The following GGPS1 variants were observed in gnomAD, a reference collection of about 807,000 sequenced individuals.
GGPS1 encodes geranylgeranyl diphosphate synthase 1.
In GGPS1, 15 loss-of-function variants were observed where a neutral mutation model predicts 28.1. That is an observed-to-expected ratio of 0.53 (90% CI 0.36 to 0.82). The LOEUF (loss-of-function observed/expected upper bound fraction) is 0.82, where lower values mean the gene tolerates loss of function less well. Among genes scored for constraint, GGPS1 ranks in the 40% least tolerant of loss-of-function variants. The probability of loss-of-function intolerance (pLI) is 0.01; values close to 1 mark genes in which losing one functional copy is unlikely to be tolerated. For synonymous variants in GGPS1, 138 were observed against 122.4 expected (o/e 1.13, Z -0.84); for missense variants, 284 against 348.3 (o/e 0.82, Z 1.47).
In GGPS1 at chr1:235,341,693, A is replaced by C; in HGVS notation, c.71-15A>C. 7.0e-7 allele frequency: 1 copy of C among 1,425,864 alleles called. No homozygotes were observed. Among genetic ancestry groups the C allele is most frequent in the Middle Eastern group, 1.7e-4 (1 of 5,738 alleles). 88.3% of individuals were successfully genotyped at this position (1,425,864 alleles called of 1,614,324 possible). ...AACACTTATCACATTGTCACATTTT[A>C]TTTTTAAATTGCAGGTAAACAAGTG... On this transcript the variant is annotated splice_polypyrimidine_tract_variant and intron_variant, in intron 2 of 3. Coordinates refer to ENST00000282841, the MANE Select transcript of GGPS1 (RefSeq NM_004837.4).
At chr1:235,340,082 G>A (rs566360096) in intron 2 of GGPS1, among the ~76,000 whole-genome samples, 4 of 152,210 alleles carry the variant, frequency 2.6e-5, no homozygotes, top group South Asian at 2.1e-4. Context: ...CAAGTGAGCC[G>A]AGATCACGCC....
upstream of GGPS1, chr1:235,328,500 T>A (rs1448988046): frequency 2.3e-5 from 3 of 131,586 alleles, no homozygotes; most frequent in African/African-American, 9.6e-5. Flanking sequence ...CGTGGACCGG[T>A]GCGGGGGCGG....
chr1:235,327,824 C>G (rs1338701048), upstream of GGPS1: 2 of 152,732 alleles, frequency 1.3e-5, no homozygotes, highest in African/African-American at 2.4e-5. Context: ...CTCTCCTTCT[C>G]CCCCCCAAAA....
intron 2 of GGPS1, among the ~76,000 whole-genome samples, chr1:235,339,108 T>C (rs1675950440): frequency 6.6e-6 from 1 of 152,128 alleles, no homozygotes. Flanking sequence ...AAGACCAGCC[T>C]GGCCAACATG....
Position 235,342,394 on chromosome 1 carries a change from G to C in GGPS1, c.525G>C (p.Pro175=). 1 of 1,613,966 alleles carries C rather than the reference G, an allele frequency of 6.2e-7. No homozygotes were observed. The highest frequency in any genetic ancestry group is 1.1e-5 in the South Asian group (1 of 91,072). Residue 175 remains proline (P), a synonymous_variant, in exon 4 of 4, where the codon CCG becomes CCC. Transcript: ENST00000282841. ...LFSDYKEDLK[P]LLNTLGLFFQ... ...CTGATTACAAAGAAGATTTAAAACCGCTACTTAATACACTTGGGCTCTTTT... is the reference window on the plus strand; with the variant it reads ...CTGATTACAAAGAAGATTTAAAACCCCTACTTAATACACTTGGGCTCTTTT...
At position 235,342,857 on chromosome 1, in the gene GGPS1, T is replaced by C. The variant is rs149847062; in HGVS notation, c.*85T>C. On this transcript the variant is annotated 3_prime_UTR_variant, in exon 4 of 4. Transcript: ENST00000282841. Reference sequence around the variant, plus strand: ...TTAGCCTTACCACCTTTTAAAAAATTTGTTATTCTCCAGAAACAGTAAATA... The same window carrying C: ...TTAGCCTTACCACCTTTTAAAAAATCTGTTATTCTCCAGAAACAGTAAATA... 2.0e-4 allele frequency: 188 copies of C among 941,468 alleles called. 1 individual carries two copies. In the African/African-American group the frequency reaches 2.8e-3, roughly 14 times the overall value. The allele number at this position is 941,468 out of a possible 1,614,324, so 58.3% of individuals were successfully genotyped here. A position where few individuals can be genotyped will look rare whatever the true frequency, so the allele number is the denominator to read the frequency against.
intron 1 of GGPS1, among the ~76,000 whole-genome samples, chr1:235,331,626 C>T (rs1358235793): frequency 6.9e-6 from 1 of 145,972 alleles, no homozygotes; most frequent in African/African-American, 2.6e-5. Context: ...ACACATACAC[C>T]GGGCTTTTTT....
chr1:235,343,817 CTTA>C lies in GGPS1; in HGVS notation c.*1050_*1052del, dbSNP rs748742720. 6.0e-6 allele frequency: 1 copy of C among 166,790 alleles called. No homozygotes were observed. The highest frequency in any genetic ancestry group is 2.4e-5 in the African/African-American group (1 of 41,368). The allele number at this position is 166,790 out of a possible 1,614,324, so 10.3% of individuals were successfully genotyped here. ...ATATTTTAGAAGGGAGCCTTTGAAC[CTTA>C]TTATATTTCCCCATCATTGATAGTG... On this transcript the variant is annotated 3_prime_UTR_variant, in exon 4 of 4. Coordinates refer to ENST00000282841, the MANE Select transcript of GGPS1 (RefSeq NM_004837.4).
chr1:235,328,671 T>A lies in GGPS1; in HGVS notation c.-131T>A, dbSNP rs1675545363. On this transcript the variant is annotated 5_prime_UTR_variant, in exon 1 of 4. It removes an upstream start codon present in the reference 5' UTR. Transcript: ENST00000282841. Reference sequence around the variant, plus strand: ...GTGGTGAAATAGTGGGAAGGATTCATGTAGGCATCGGGAAGAGCCTAAGTC... The same window carrying A: ...GTGGTGAAATAGTGGGAAGGATTCAAGTAGGCATCGGGAAGAGCCTAAGTC... 1 of 152,820 alleles carries A rather than the reference T, an allele frequency of 6.5e-6. No individual in the cohort carries two copies. Among genetic ancestry groups the A allele is most frequent in the African/African-American group, 2.4e-5 (1 of 41,458 alleles). The allele number at this position is 152,820 out of a possible 1,614,324, so 9.5% of individuals were successfully genotyped here. A position where few individuals can be genotyped will look rare whatever the true frequency, so the allele number is the denominator to read the frequency against.
At chr1:235,331,057 A>G (rs534779804) in intron 1 of GGPS1, among the ~76,000 whole-genome samples, 1 of 152,346 alleles carries the variant, frequency 6.6e-6, no homozygotes, top group Admixed American at 6.5e-5. Flanking sequence ...AGTATAGGTA[A>G]TAGGTTACCT....
chr1:235,342,438 AT>A lies in GGPS1; in HGVS notation c.570del (p.Tyr190Ter). 1 of 1,612,816 alleles carries A rather than the reference AT, an allele frequency of 6.2e-7. No homozygotes were observed. The highest frequency in any genetic ancestry group is 8.5e-7 in the Non-Finnish European group (1 of 1,178,858). The part of the protein sequence containing the change: ...LGLFFQIRDD[Y>X]ANLHSKEYSE... ...CTCTTTTTCCAAATTAGGGATGATT[AT>A]GCTAATCTACACTCCAAAGAATATA... On this transcript the variant is annotated frameshift_variant, in exon 4 of 4. Transcript: ENST00000282841. LOFTEE classifies it high-confidence loss of function.
chr1:235,340,560 C>T (rs572297756), intron 2 of GGPS1, among the ~76,000 whole-genome samples: 9 of 150,488 alleles, frequency 6.0e-5, no homozygotes, highest in Non-Finnish European at 1.5e-5. Flanking sequence ...CACGGTGAAA[C>T]CCCGTCTCTA....
rs1330964276 is a variant in GGPS1 at position 235,342,085 on chromosome 1, C to T, written c.216C>T (p.Leu72=). The stretch of plus-strand genomic sequence containing the variant: ...ATGATATTGAAGACAACTCAAAACT[C>T]CGACGTGGCTTTCCAGTGGCCCACA... ...LIDDIEDNSK[L]RRGFPVAHSI... Residue 72 remains leucine (L), a synonymous_variant, in exon 4 of 4, where the codon CTC becomes CTT. Transcript: ENST00000282841. 1.2e-6 allele frequency: 2 copies of T among 1,612,782 alleles called. No homozygotes were observed. Among genetic ancestry groups the T allele is most frequent in the South Asian group, 1.1e-5 (1 of 91,004 alleles).
At chr1:235,330,005 C>T (rs545519635) in intron 1 of GGPS1, 32 of 152,300 alleles carry the variant, frequency 2.1e-4, no homozygotes, top group African/African-American at 7.7e-4. Context: ...AGTTTTTTCA[C>T]TCTAAAAGGA....
intron 1 of GGPS1, among the ~76,000 whole-genome samples, chr1:235,331,307 A>G (rs1400257719): frequency 6.6e-6 from 1 of 152,180 alleles, no homozygotes; most frequent in African/African-American, 2.4e-5. Context: ...TTTCATATAG[A>G]TAAGAACAGA....
chr1:235,340,126 C>A (rs1572273520), intron 2 of GGPS1, among the ~76,000 whole-genome samples: 2 of 152,216 alleles, frequency 1.3e-5, no homozygotes, highest in African/African-American at 2.4e-5. Context: ...GAATGAGACT[C>A]CGTCTCAAAA....
intron 2 of GGPS1, among the ~76,000 whole-genome samples, chr1:235,336,513 G>A (rs766330176): frequency 6.6e-6 from 1 of 152,108 alleles, no homozygotes; most frequent in Non-Finnish European, 1.5e-5. Context: ...CATAATATAG[G>A]CCAGGTGTGG....
At chr1:235,339,967 A>G (rs1282953033) in intron 2 of GGPS1, among the ~76,000 whole-genome samples, 2 of 151,764 alleles carry the variant, frequency 1.3e-5, no homozygotes, top group East Asian at 1.9e-4. Context: ...ACTTCTATCC[A>G]AAGACCTATC....
At chr1:235,335,778 G>A (rs965373092) in intron 2 of GGPS1, among the ~76,000 whole-genome samples, 1 of 152,214 alleles carries the variant, frequency 6.6e-6, no homozygotes, top group African/African-American at 2.4e-5. Context: ...ATTGGAGGTT[G>A]TACTCTTTAC....
Sources: gnomAD v4.1 joint callset for allele counts (sites outside exome capture counted in the v4.1 genomes callset) on GRCh38, gnomAD v4.1.1 for gene constraint, MANE v1.5 for transcripts, NCBI Gene and HGNC (gene_info 2026-07-23, HGNC 2026-07-21) for gene names.